Variants in GDA observed in about 807,000 individuals in gnomAD.
The protein encoded by GDA is cytoplasmic PSD-95 interactor.
Under a neutral mutation model 59.6 loss-of-function variants are expected in GDA, and 18 were observed. The ratio of observed to expected loss-of-function variants is 0.30; its 90% CI spans 0.21 to 0.45. GDA has a LOEUF of 0.45. Among genes scored for constraint, GDA ranks in the 20% least tolerant of loss-of-function variants. The probability of loss-of-function intolerance (pLI) is 1.00; values close to 1 mark genes in which losing one functional copy is unlikely to be tolerated. For synonymous variants in GDA, 201 were observed against 201.1 expected (o/e 1.00, Z 0.00); for missense variants, 427 against 552.3 (o/e 0.77, Z 2.27).
chr9:72,190,319 G>T (rs1231283817), intron 1 of GDA, among the ~76,000 whole-genome samples: 1 of 152,106 alleles, frequency 6.6e-6, no homozygotes, highest in Non-Finnish European at 1.5e-5. Context: ...TAGAGATGGG[G>T]TTTCACCATG....
At chr9:72,196,505 C>G (rs894436923) in intron 2 of GDA, among the ~76,000 whole-genome samples, 1 of 150,464 alleles carries the variant, frequency 6.6e-6, no homozygotes, top group African/African-American at 2.4e-5. Flanking sequence ...AAAAAAAGCT[C>G]AGTTTCCTCA....
intron 1 of GDA, among the ~76,000 whole-genome samples, chr9:72,135,521 G>T (rs1826188612): frequency 6.6e-6 from 1 of 152,060 alleles, no homozygotes; most frequent in Admixed American, 6.6e-5. Context: ...GCTCTTATTC[G>T]CTTTCCTCTC....
At chr9:72,120,403 A>C (rs1033803212) in intron 1 of GDA, among the ~76,000 whole-genome samples, 1 of 152,194 alleles carries the variant, frequency 6.6e-6, no homozygotes. Context: ...CATGTTGGCC[A>C]GGCTGTTCTC....
chr9:72,117,503 G>T (rs1825495856), intron 1 of GDA, among the ~76,000 whole-genome samples: 1 of 152,200 alleles, frequency 6.6e-6, no homozygotes, highest in Non-Finnish European at 1.5e-5. Flanking sequence ...AAGTGCATCA[G>T]TCAGCCATAT....
In GDA at chr9:72,202,652, A is replaced by C. The variant is rs1166967434; in HGVS notation, c.294A>C (p.Pro98=). Residue 98 remains proline (P), a synonymous_variant, in exon 3 of 14, where the codon CCA becomes CCC. Coordinates refer to ENST00000358399, the MANE Select transcript of GDA (RefSeq NM_004293.5). The stretch of plus-strand genomic sequence containing the variant: ...TTGCTGGAAGTAGCATAGACCTGCC[A>C]CTCTTGGAGTGGCTGACCAAGTACA... ...YSFAGSSIDL[P]LLEWLTKYTF... is the part of the protein sequence containing the mutation. 9 of 1,612,752 alleles carry C rather than the reference A, an allele frequency of 5.6e-6. No individual in the cohort carries two copies. Among genetic ancestry groups the C allele is most frequent in the Non-Finnish European group, 7.6e-6 (9 of 1,178,790 alleles).
intron 1 of GDA, among the ~76,000 whole-genome samples, chr9:72,158,518 G>A (rs769290957): frequency 1.3e-4 from 20 of 151,694 alleles, no homozygotes; most frequent in Non-Finnish European, 2.6e-4. Context: ...CCTTGAACCC[G>A]GGAGGCAGAG....
chr9:72,143,646 TCC>T (rs1826521718), intron 1 of GDA, among the ~76,000 whole-genome samples: 1 of 152,192 alleles, frequency 6.6e-6, no homozygotes, highest in Admixed American at 6.5e-5. Context: ...CGTTCTGTTT[TCC>T]CTTTTTCTAT....
intron 1 of GDA, among the ~76,000 whole-genome samples, chr9:72,193,545 A>C (rs1029988738): frequency 1.3e-5 from 2 of 152,252 alleles, no homozygotes; most frequent in African/African-American, 4.8e-5. Flanking sequence ...TGTGGCCACA[A>C]TCACCCTTAT....
intron 1 of GDA, among the ~76,000 whole-genome samples, chr9:72,130,461 A>G (rs1186305864): frequency 1.3e-5 from 2 of 152,240 alleles, no homozygotes; most frequent in Non-Finnish European, 2.9e-5. Context: ...GAAGCAGCTG[A>G]GTCCTACTGA....
chr9:72,235,727 A>T (rs1347345785), intron 10 of GDA, among the ~76,000 whole-genome samples: 10 of 152,118 alleles, frequency 6.6e-5, no homozygotes, highest in Non-Finnish European at 1.2e-4. Flanking sequence ...AAAAAAGAGA[A>T]TTGCACATAT....
At chr9:72,115,017 C>T (rs1294870579) in intron 1 of GDA, among the ~76,000 whole-genome samples, 1 of 152,076 alleles carries the variant, frequency 6.6e-6, no homozygotes, top group African/African-American at 2.4e-5. Context: ...TGGCCTTAAC[C>T]CACCCTGTGG....
At chr9:72,117,921 G>A (rs915253327) in intron 1 of GDA, among the ~76,000 whole-genome samples, 3 of 152,146 alleles carry the variant, frequency 2.0e-5, no homozygotes, top group African/African-American at 7.2e-5. Flanking sequence ...CTTTGTACTG[G>A]ACAAAATATT....
At chr9:72,196,620 A>T (rs1833216404) in intron 2 of GDA, among the ~76,000 whole-genome samples, 1 of 152,118 alleles carries the variant, frequency 6.6e-6, no homozygotes, top group African/African-American at 2.4e-5. Flanking sequence ...ACATGTGCAG[A>T]ACGTGCAGGT....
At chr9:72,133,786 T>C (rs955732995) in intron 1 of GDA, among the ~76,000 whole-genome samples, 1 of 152,192 alleles carries the variant, frequency 6.6e-6, no homozygotes, top group Admixed American at 6.5e-5. Context: ...ACCCTATGAA[T>C]GGGGTCCTCT....
chr9:72,138,434 A>G (rs1377084349), intron 1 of GDA, among the ~76,000 whole-genome samples: 1 of 152,242 alleles, frequency 6.6e-6, no homozygotes, highest in East Asian at 1.9e-4. Context: ...TCACTGCCCC[A>G]GACCAACTTC....
At chr9:72,246,426 G>A (rs1281617706) in intron 12 of GDA, among the ~76,000 whole-genome samples, 1 of 152,216 alleles carries the variant, frequency 6.6e-6, no homozygotes, top group Non-Finnish European at 1.5e-5. Flanking sequence ...GGGATTATAG[G>A]CGTGAGCCAC....
intron 1 of GDA, among the ~76,000 whole-genome samples, chr9:72,120,229 C>T (rs188172600): frequency 4.0e-5 from 6 of 150,966 alleles, no homozygotes; most frequent in Admixed American, 2.6e-4. Context: ...CCTCTGTCAC[C>T]TAGGCTAGAG....
intron 1 of GDA, among the ~76,000 whole-genome samples, chr9:72,130,851 A>G (rs998862988): frequency 3.9e-5 from 6 of 152,220 alleles, no homozygotes; most frequent in African/African-American, 1.4e-4. Flanking sequence ...CCCTGGACAA[A>G]CACTCAGGGG....
chr9:72,115,664 G>A (rs151141974), intron 1 of GDA, among the ~76,000 whole-genome samples: 5 of 152,216 alleles, frequency 3.3e-5, no homozygotes, highest in African/African-American at 4.8e-5. Flanking sequence ...TAGAAACTAC[G>A]CCTTATTGGT....
Sources: allele counts gnomAD v4.1 joint callset (sites outside exome capture counted in the v4.1 genomes callset), GRCh38; gene constraint gnomAD v4.1.1; transcripts MANE v1.5; gene names NCBI Gene and HGNC (gene_info 2026-07-23, HGNC 2026-07-21).